The following ZNF423 variants were observed in gnomAD, a reference collection of about 807,000 sequenced individuals.
The protein encoded by ZNF423 is Ebf-associated zinc finger protein.
Under a neutral mutation model 95.8 loss-of-function variants are expected in ZNF423, and 12 were observed. The observed-to-expected ratio is 0.13, with a 90% confidence interval of 0.08 to 0.20. ZNF423 has a LOEUF of 0.20. Ranked by LOEUF, ZNF423 falls within the 10% of genes least tolerant of loss-of-function variation. ZNF423 has a pLI of 1.00. For missense variants in ZNF423, 1,316 were observed against 1,737.1 expected, an observed-to-expected ratio of 0.76 and a Z score of 4.31; for synonymous variants, 749 against 711.9, an observed-to-expected ratio of 1.05 and a Z score of -0.83.
At chr16:49,498,763 C>T (rs1967264332) in intron 7 of ZNF423, among the ~76,000 whole-genome samples, 1 of 152,248 alleles carries the variant, frequency 6.6e-6, no homozygotes, top group East Asian at 1.9e-4. Context: ...TGTGTATCAC[C>T]TGGGCAGCCC....
chr16:49,636,203 C>G lies in ZNF423; in HGVS notation c.2973G>C (p.Lys991Asn). Reference sequence around the variant, plus strand: ...TGCGACAGGTGCCCGTGTCCAGGCTCTTGCTGTGGGTCACCTTGTGTTCGG... The same window carrying G: ...TGCGACAGGTGCCCGTGTCCAGGCTGTTGCTGTGGGTCACCTTGTGTTCGG... ...TLTEHKVTHS[K>N]SLDTGTCRIC... The change falls in exon 4 of 8, where the codon AAG (lysine) becomes AAC (asparagine). Residue 991 changes from lysine to asparagine, a missense_variant. This residue lies in a region of ZNF423 where 620 missense variants were observed against 775.6 expected (regional missense o/e 0.80). Coordinates refer to ENST00000563137, the MANE Select transcript of ZNF423 (RefSeq NM_001379286.1). This position sits in a 1 kb window ranked among gnomAD's most constrained non-coding sequence, Gnocchi z 8.6. 1 of 1,613,442 alleles carries G rather than the reference C, an allele frequency of 6.2e-7. No homozygotes were observed. The highest frequency in any genetic ancestry group is 8.5e-7 in the Non-Finnish European group (1 of 1,180,018).
chr16:49,739,322 C>T (rs2033362422), intron 2 of ZNF423, among the ~76,000 whole-genome samples: 1 of 152,156 alleles, frequency 6.6e-6, no homozygotes, highest in African/African-American at 2.4e-5. Context: ...AAGCTGGAGG[C>T]GTCAAACCCG....
chr16:49,836,066 C>A (rs570325268), intron 1 of ZNF423, among the ~76,000 whole-genome samples: 1 of 152,318 alleles, frequency 6.6e-6, no homozygotes, highest in Non-Finnish European at 1.5e-5. Flanking sequence ...GCTGAGCCAA[C>A]TGGACTCCTG....
chr16:49,787,860 TC>T (rs1273958007), intron 2 of ZNF423, among the ~76,000 whole-genome samples: 7 of 152,084 alleles, frequency 4.6e-5, no homozygotes, highest in Non-Finnish European at 8.8e-5. Flanking sequence ...CTTTCCTAGT[TC>T]AGGGGTTCCT....
At chr16:49,605,293 G>A (rs865906272) in intron 5 of ZNF423, among the ~76,000 whole-genome samples, 13 of 152,136 alleles carry the variant, frequency 8.5e-5, no homozygotes, top group Admixed American at 2.0e-4. Context: ...CTCTTCTCTC[G>A]TTCATTAAAT....
intron 1 of ZNF423, among the ~76,000 whole-genome samples, chr16:49,852,992 T>C (rs1192241439): frequency 1.3e-5 from 2 of 152,148 alleles, no homozygotes; most frequent in Non-Finnish European, 2.9e-5. Flanking sequence ...CATTCGAAAT[T>C]GTTGTATTTC....
chr16:49,698,037 C>G (rs2151952164), intron 3 of ZNF423, among the ~76,000 whole-genome samples: 1 of 152,278 alleles, frequency 6.6e-6, no homozygotes, highest in Non-Finnish European at 1.5e-5. Context: ...ACCAGCCCGA[C>G]TCCACATTGT....
chr16:49,634,097 G>C (rs544525518), intron 4 of ZNF423, among the ~76,000 whole-genome samples: 1 of 151,816 alleles, frequency 6.6e-6, no homozygotes, highest in East Asian at 1.9e-4. Context: ...TAGTAGAGAC[G>C]GGGTTTCACC....
At chr16:49,602,100 C>T (rs1032196400) in intron 5 of ZNF423, among the ~76,000 whole-genome samples, 2 of 152,242 alleles carry the variant, frequency 1.3e-5, no homozygotes, top group Non-Finnish European at 2.9e-5. Flanking sequence ...CCAGCCTAGG[C>T]TCCCCGGCTT....
intron 7 of ZNF423, among the ~76,000 whole-genome samples, chr16:49,496,374 T>C (rs943828682): frequency 1.3e-5 from 2 of 152,138 alleles, no homozygotes; most frequent in African/African-American, 4.8e-5. Flanking sequence ...TGGGAGAGGA[T>C]CCCTCACGGA....
chr16:49,698,199 AT>A (rs199525096), intron 3 of ZNF423, among the ~76,000 whole-genome samples: 2 of 151,382 alleles, frequency 1.3e-5, no homozygotes, highest in Middle Eastern at 6.8e-3. Flanking sequence ...TGTTTGTAAC[AT>A]TTTTTTTTAA....
upstream of ZNF423, among the ~76,000 whole-genome samples, chr16:49,858,723 C>CG (rs913320926): frequency 1.5e-5 from 2 of 137,248 alleles, no homozygotes; most frequent in Non-Finnish European, 3.3e-5. The surrounding 1 kb of genome is among the most constrained non-coding windows in gnomAD (Gnocchi z 4.3). Context: ...AGGAGCCCCC[C>CG]CCCCCACGCC....
chr16:49,558,750 G>A (rs1443102577), intron 5 of ZNF423, among the ~76,000 whole-genome samples: 1 of 152,192 alleles, frequency 6.6e-6, no homozygotes, highest in Non-Finnish European at 1.5e-5. Flanking sequence ...ATTAAGCTCA[G>A]TGTGTATTTG....
intron 1 of ZNF423, chr16:49,822,682 G>A: frequency 6.2e-7 from 1 of 1,611,062 alleles, no homozygotes; most frequent in Non-Finnish European, 8.5e-7. Context: ...CTCTTCTTAT[G>A]CATCCATGTC....
At chr16:49,514,240 G>GCA (rs1968035082) in intron 7 of ZNF423, among the ~76,000 whole-genome samples, 2 of 137,354 alleles carry the variant, frequency 1.5e-5, no homozygotes, top group African/African-American at 5.9e-5. Context: ...ACACACACAC[G>GCA]CACACGCACA....
At chr16:49,512,131 C>T (rs1967923322) in intron 7 of ZNF423, among the ~76,000 whole-genome samples, 1 of 152,198 alleles carries the variant, frequency 6.6e-6, no homozygotes, top group South Asian at 2.1e-4. Flanking sequence ...CTTTCCCCTC[C>T]CTGCAACATG....
chr16:49,525,633 C>T (rs1968573047), intron 5 of ZNF423, 139 bp from the exon 6 acceptor site: 2 of 1,229,704 alleles, frequency 1.6e-6, no homozygotes, highest in East Asian at 2.4e-5. Flanking sequence ...CTGCAGACAC[C>T]AAGACTCATC....
At chr16:49,501,763 G>A (rs930868963) in intron 7 of ZNF423, among the ~76,000 whole-genome samples, 1 of 152,054 alleles carries the variant, frequency 6.6e-6, no homozygotes, top group African/African-American at 2.4e-5. Flanking sequence ...TATCCTAAGT[G>A]AACTAATGCA....
rs533066650 is a variant in ZNF423 at position 49,849,192 on chromosome 16, G to A, written c.40+6543C>T. ...TGCCATCTGCAAAGGGAGAAGGACAGATGACATGATTTTCTTATGAGACCC... is the reference window on the plus strand; with the variant it reads ...TGCCATCTGCAAAGGGAGAAGGACAAATGACATGATTTTCTTATGAGACCC... On this transcript the variant is annotated intron_variant, in intron 1 of 7. Transcript: ENST00000563137. Among the ~76,000 whole-genome samples, 23 of 152,248 alleles carry A rather than the reference G, an allele frequency of 1.5e-4. No homozygotes were observed. The East Asian group carries it at 2.9e-3, about 19-fold the overall frequency.
Sources: allele counts gnomAD v4.1 joint callset (sites outside exome capture counted in the v4.1 genomes callset), GRCh38; gene constraint gnomAD v4.1.1; regional missense constraint gnomAD v4.1.1; non-coding constraint Gnocchi (gnomAD v3.1); transcripts MANE v1.5; gene names NCBI Gene and HGNC (gene_info 2026-07-23, HGNC 2026-07-21).